Variants in CSMD1 observed in about 807,000 individuals in gnomAD.
The protein encoded by CSMD1 is CUB and Sushi multiple domains 1.
In CSMD1, 213 loss-of-function variants were observed where a neutral mutation model predicts 417.5. The observed-to-expected ratio is 0.51, with a 90% CI of 0.46 to 0.57. The LOEUF (loss-of-function observed/expected upper bound fraction) is 0.57, where lower values mean the gene tolerates loss of function less well. CSMD1 is among the 20% of genes least tolerant of loss of function. The pLI is 0.00. For missense variants in CSMD1, 6,923 were observed against 4,529.7 expected (o/e 1.53, Z -15.17); for synonymous variants, 2,862 against 1,736.8 (o/e 1.65, Z -16.11).
chr8:4,105,867 G>A (rs888450823), intron 3 of CSMD1, among the ~76,000 whole-genome samples: 1 of 152,220 alleles, frequency 6.6e-6, no homozygotes, highest in Non-Finnish European at 1.5e-5. Context: ...CGGGACAACA[G>A]AGCAGACAGG....
At chr8:4,280,433 C>T (rs76033483) in intron 3 of CSMD1, among the ~76,000 whole-genome samples, 2,768 of 152,200 alleles carry the variant, frequency 0.018, 46 homozygotes, top group Non-Finnish European at 0.028. Flanking sequence ...CCGAAATGTG[C>T]GACCGGATAC....
At chr8:3,321,726 T>G (rs1433886330) in intron 23 of CSMD1, among the ~76,000 whole-genome samples, 1 of 152,216 alleles carries the variant, frequency 6.6e-6, no homozygotes, top group Non-Finnish European at 1.5e-5. Context: ...AATAAAGTAG[T>G]AAGCTTCTAG....
chr8:3,254,376 T>C (rs1054101373), intron 26 of CSMD1, among the ~76,000 whole-genome samples: 1 of 152,058 alleles, frequency 6.6e-6, no homozygotes, highest in Non-Finnish European at 1.5e-5. Flanking sequence ...TCTCGAGGGG[T>C]ATATTTGTGG....
At chr8:3,332,101 G>C (rs568088489) in intron 23 of CSMD1, among the ~76,000 whole-genome samples, 1 of 152,194 alleles carries the variant, frequency 6.6e-6, no homozygotes, top group Non-Finnish European at 1.5e-5. Flanking sequence ...TGATAGATAC[G>C]TAGGGATAGA....
chr8:3,882,706 C>T (rs1398923786), intron 5 of CSMD1, among the ~76,000 whole-genome samples: 2 of 152,170 alleles, frequency 1.3e-5, no homozygotes, highest in Non-Finnish European at 2.9e-5. Flanking sequence ...AAAAGGAACA[C>T]ATTACAAATG....
chr8:4,208,271 G>C (rs1585024983), intron 3 of CSMD1, among the ~76,000 whole-genome samples: 1 of 152,108 alleles, frequency 6.6e-6, no homozygotes, highest in African/African-American at 2.4e-5. Context: ...CAAATACACA[G>C]AGGACAAGAA....
rs375035950 is a variant in CSMD1 at position 4,530,135 on chromosome 8, G to T, written c.302+107207C>A. Among the ~76,000 whole-genome samples, 60 of 151,486 alleles carry T rather than the reference G, an allele frequency of 4.0e-4. 1 individual carries two copies. In the East Asian group the frequency reaches 0.01, roughly 26 times the overall value. ...TCACCGTGTTAGCCAGGATGGTCTC[G>T]ATCTCCTGACCTTGTGATCTGCCCA... is the stretch of plus-strand genomic sequence containing the variant. On this transcript the variant is annotated intron_variant, in intron 2 of 69. Coordinates refer to ENST00000635120, the MANE Select transcript of CSMD1 (RefSeq NM_033225.6).
intron 7 of CSMD1, among the ~76,000 whole-genome samples, chr8:3,689,929 A>G (rs1487611061): frequency 6.6e-6 from 1 of 152,258 alleles, no homozygotes; most frequent in Non-Finnish European, 1.5e-5. Context: ...AATCACGTTC[A>G]TCAATTAAGT....
intron 2 of CSMD1, among the ~76,000 whole-genome samples, chr8:4,563,218 G>A (rs534033992): frequency 6.6e-6 from 1 of 152,094 alleles, no homozygotes; most frequent in Non-Finnish European, 1.5e-5. Context: ...TGGCTAACAC[G>A]GTGAAACCCC....
intron 2 of CSMD1, among the ~76,000 whole-genome samples, chr8:4,449,245 TCA>T (rs1457001367): frequency 6.6e-6 from 1 of 152,196 alleles, no homozygotes; most frequent in Non-Finnish European, 1.5e-5. Context: ...CTATGCTTAT[TCA>T]CACTCAGGTT....
At chr8:3,412,475 A>G (rs73657847) in intron 12 of CSMD1, among the ~76,000 whole-genome samples, 15,100 of 152,120 alleles carry the variant, frequency 0.099, 922 homozygotes, top group East Asian at 0.25. Flanking sequence ...TCAAGAGGAG[A>G]AACTTTACTT....
chr8:4,236,432 C>A (rs1267546601), intron 3 of CSMD1, among the ~76,000 whole-genome samples: 1 of 152,116 alleles, frequency 6.6e-6, no homozygotes, highest in Non-Finnish European at 1.5e-5. Flanking sequence ...TTCTCCTACA[C>A]CCCGGGTAAC....
At chr8:3,247,860 A>T (rs1799987669) in intron 26 of CSMD1, among the ~76,000 whole-genome samples, 1 of 152,230 alleles carries the variant, frequency 6.6e-6, no homozygotes, top group African/African-American at 2.4e-5. Flanking sequence ...ATAATTCACA[A>T]GGGGGGAGCA....
At chr8:4,464,305 A>T (rs1162373214) in intron 2 of CSMD1, among the ~76,000 whole-genome samples, 2 of 152,102 alleles carry the variant, frequency 1.3e-5, no homozygotes, top group Non-Finnish European at 2.9e-5. Context: ...TGCAATGGAC[A>T]GACGCTCTTC....
intron 1 of CSMD1, among the ~76,000 whole-genome samples, chr8:4,835,126 G>C (rs10087766): frequency 6.6e-6 from 1 of 151,622 alleles, no homozygotes; most frequent in Non-Finnish European, 1.5e-5. Flanking sequence ...TTATTAAGGC[G>C]GCAACTCTAG....
At chr8:4,316,276 G>T (rs1252752634) in intron 3 of CSMD1, among the ~76,000 whole-genome samples, 1 of 152,090 alleles carries the variant, frequency 6.6e-6, no homozygotes, top group Non-Finnish European at 1.5e-5. Context: ...TGAATTTGTT[G>T]TGATCTGTAA....
intron 3 of CSMD1, among the ~76,000 whole-genome samples, chr8:4,148,359 T>G (rs1315117889): frequency 2.0e-5 from 2 of 101,914 alleles, no homozygotes; most frequent in African/African-American, 7.8e-5. Context: ...CACACACCGG[T>G]GCCTGTTGTG....
At chr8:3,639,633 C>G (rs892646060) in intron 7 of CSMD1, among the ~76,000 whole-genome samples, 4 of 152,184 alleles carry the variant, frequency 2.6e-5, no homozygotes, top group Non-Finnish European at 4.4e-5. Context: ...AATCCCAATT[C>G]CCTCATTTGA....
chr8:3,694,999 T>C (rs1185821918), intron 7 of CSMD1, among the ~76,000 whole-genome samples: 1 of 151,606 alleles, frequency 6.6e-6, no homozygotes, highest in Non-Finnish European at 1.5e-5. Context: ...TAAAGATGAT[T>C]AGGACATTAG....
Sources: gnomAD v4.1 joint callset for allele counts (sites outside exome capture counted in the v4.1 genomes callset) on GRCh38, gnomAD v4.1.1 for gene constraint, MANE v1.5 for transcripts, NCBI Gene and HGNC (gene_info 2026-07-23, HGNC 2026-07-21) for gene names.